The following PACRG variants were observed in gnomAD, a reference collection of about 807,000 sequenced individuals.
The protein encoded by PACRG is parkin coregulated gene protein.
In PACRG, 29 loss-of-function variants were observed where a neutral mutation model predicts 29.7. The ratio of observed to expected loss-of-function variants is 0.98; its 90% CI spans 0.73 to 1.33. The LOEUF (loss-of-function observed/expected upper bound fraction) is 1.33. Among genes scored for constraint, PACRG ranks in the 40% most tolerant of loss-of-function variants. The pLI, the probability that PACRG is intolerant of heterozygous loss-of-function variation, is 0.00. For missense variants in PACRG, 279 were observed against 316.2 expected (o/e 0.88, Z 0.89); for synonymous variants, 116 against 118.7 (o/e 0.98, Z 0.15).
intron 4 of PACRG, among the ~76,000 whole-genome samples, chr6:163,161,106 C>T (rs536643313): frequency 2.5e-4 from 38 of 152,120 alleles, no homozygotes; most frequent in Non-Finnish European, 2.8e-4. Flanking sequence ...ATCCATCTTC[C>T]GGGTCATGTA....
chr6:162,756,363 T>C (rs1781919674), intron 1 of PACRG, among the ~76,000 whole-genome samples: 1 of 152,228 alleles, frequency 6.6e-6, no homozygotes, highest in African/African-American at 2.4e-5. Flanking sequence ...TAGGTCTTCA[T>C]GGTGAACTAA....
chr6:163,214,922 A>G (rs1472905731), intron 4 of PACRG, among the ~76,000 whole-genome samples: 4 of 152,170 alleles, frequency 2.6e-5, no homozygotes, highest in African/African-American at 9.7e-5. Context: ...AAATCTGTCA[A>G]TTCTTGCCTT....
At chr6:163,255,041 C>T (rs1017179484) in intron 4 of PACRG, among the ~76,000 whole-genome samples, 14 of 152,146 alleles carry the variant, frequency 9.2e-5, no homozygotes, top group African/African-American at 3.1e-4. Flanking sequence ...AACGTGTTGC[C>T]CTGAGAGGTT....
chr6:163,102,542 C>T (rs1042040947), intron 4 of PACRG, among the ~76,000 whole-genome samples: 6 of 152,200 alleles, frequency 3.9e-5, no homozygotes, highest in African/African-American at 1.4e-4. Context: ...CATCAGGTCT[C>T]TCCTGAAATT....
chr6:162,937,598 C>T (rs184355983), intron 2 of PACRG, among the ~76,000 whole-genome samples: 14 of 152,260 alleles, frequency 9.2e-5, no homozygotes, highest in Admixed American at 3.3e-4. Context: ...CTGTCAGTGA[C>T]GTAGACCTCC....
chr6:162,849,631 G>T (rs1180126953), intron 2 of PACRG, among the ~76,000 whole-genome samples: 1 of 152,162 alleles, frequency 6.6e-6, no homozygotes, highest in African/African-American at 2.4e-5. Context: ...TACTCTTCTT[G>T]AATTGCTGTA....
intron 2 of PACRG, among the ~76,000 whole-genome samples, chr6:162,842,623 A>T (rs9364673): frequency 0.049 from 5,140 of 104,314 alleles, 178 homozygotes; most frequent in East Asian, 0.2. Context: ...TTATGTGTGA[A>T]TTTGATCCTG....
intron 4 of PACRG, among the ~76,000 whole-genome samples, chr6:163,188,184 C>A (rs1046962077): frequency 1.3e-5 from 2 of 152,182 alleles, no homozygotes; most frequent in African/African-American, 4.8e-5. Flanking sequence ...ATCGGGGAGG[C>A]AGGAGCCCCA....
At chr6:163,150,189 C>T (rs1778021384) in intron 4 of PACRG, among the ~76,000 whole-genome samples, 1 of 152,192 alleles carries the variant, frequency 6.6e-6, no homozygotes, top group African/African-American at 2.4e-5. Context: ...TTAACCTGCG[C>T]CTCAGTTTGA....
chr6:163,174,906 T>C (rs1313152378), intron 4 of PACRG, among the ~76,000 whole-genome samples: 1 of 152,104 alleles, frequency 6.6e-6, no homozygotes, highest in African/African-American at 2.4e-5. Context: ...GGGTTTTATT[T>C]CCACCTTTGA....
At chr6:163,220,003 A>G (rs549196949) in intron 4 of PACRG, among the ~76,000 whole-genome samples, 3 of 152,256 alleles carry the variant, frequency 2.0e-5, no homozygotes, top group East Asian at 1.9e-4. Context: ...ACACACTGCT[A>G]TTTGAAACCA....
At chr6:163,156,144 C>T (rs915183539) in intron 4 of PACRG, among the ~76,000 whole-genome samples, 3 of 152,200 alleles carry the variant, frequency 2.0e-5, no homozygotes. Flanking sequence ...GCTCTTGGCT[C>T]CTGCAGCCTC....
At chr6:163,130,878 C>T (rs936432612) in intron 4 of PACRG, among the ~76,000 whole-genome samples, 9 of 152,298 alleles carry the variant, frequency 5.9e-5, no homozygotes, top group African/African-American at 7.2e-5. Context: ...AAAGTCTCCC[C>T]GCAAGATCCA....
chr6:162,854,875 G>A lies in PACRG; in HGVS notation c.291+40594G>A, dbSNP rs894160759. Among the ~76,000 whole-genome samples, 8 of 152,324 alleles carry A rather than the reference G, an allele frequency of 5.3e-5. No individual in the cohort carries two copies. The South Asian group carries it at 6.2e-4, about 12-fold the overall frequency. On this transcript the variant is annotated intron_variant, in intron 2 of 4. Transcript: ENST00000366888. ...CGTGACTTGCCATTGAATTTCACAT[G>A]GGTAGTCCCTTTGGAGGTGCACAGA... is the stretch of plus-strand genomic sequence containing the variant.
chr6:163,154,984 G>T (rs1427677765), intron 4 of PACRG, among the ~76,000 whole-genome samples: 1 of 150,084 alleles, frequency 6.7e-6, no homozygotes, highest in Non-Finnish European at 1.5e-5. Context: ...AAAAAAAAAC[G>T]TGGAACACTC....
intron 2 of PACRG, among the ~76,000 whole-genome samples, chr6:163,040,689 C>T (rs1808611659): frequency 6.6e-6 from 1 of 152,222 alleles, no homozygotes; most frequent in Admixed American, 6.5e-5. Flanking sequence ...AATCTAATGA[C>T]TGCCCAGCCA....
chr6:162,746,645 T>C lies in PACRG; in HGVS notation c.156+18254T>C, dbSNP rs370130790. Among the ~76,000 whole-genome samples, 9 of 152,328 alleles carry C rather than the reference T, an allele frequency of 5.9e-5. No homozygotes were observed. In the East Asian group the frequency reaches 1.7e-3, roughly 29 times the overall value. ...AAATATAACTTTTACATACAAAGAA[T>C]GAAGCATAAATAGCCAGTGTCTTGG... On this transcript the variant is annotated intron_variant, in intron 1 of 4. Coordinates refer to ENST00000366888, the MANE Select transcript of PACRG (RefSeq NM_001080379.2).
chr6:163,218,119 A>G lies in PACRG; in HGVS notation c.614-96708A>G, dbSNP rs148869336. ...TGTATTCTTCATTCTTTGCGAATAAATTAGCTTCCTCTTCTCCAAAAGAAA... is the reference window on the plus strand; with the variant it reads ...TGTATTCTTCATTCTTTGCGAATAAGTTAGCTTCCTCTTCTCCAAAAGAAA... On this transcript the variant is annotated intron_variant, in intron 4 of 4. Coordinates refer to ENST00000366888, the MANE Select transcript of PACRG (RefSeq NM_001080379.2). 4.6e-5 allele frequency among the ~76,000 whole-genome samples: 7 copies of G among 152,266 alleles called. No homozygotes were observed. In the East Asian group the frequency reaches 1.4e-3, roughly 29 times the overall value.
At position 163,093,491 on chromosome 6, in the gene PACRG, A is replaced by C. The variant is rs146908192; in HGVS notation, c.613+4083A>C. ...TATAGCTTTCAGAGATGAAACTACC[A>C]AATTAATGATGCAGAGTATTACATT... is the stretch of plus-strand genomic sequence containing the variant. On this transcript the variant is annotated intron_variant, in intron 4 of 4. Transcript: ENST00000366888. Among the ~76,000 whole-genome samples, 291 of 152,350 alleles carry C rather than the reference A, an allele frequency of 1.9e-3. 1 individual carries two copies. The highest frequency in any genetic ancestry group is 6.6e-3 in the African/African-American group (274 of 41,582).
Sources: gnomAD v4.1 joint callset for allele counts (sites outside exome capture counted in the v4.1 genomes callset) on GRCh38, gnomAD v4.1.1 for gene constraint, MANE v1.5 for transcripts, NCBI Gene and HGNC (gene_info 2026-07-23, HGNC 2026-07-21) for gene names.